Variants in SLC26A5 observed in about 807,000 individuals in gnomAD.
The protein encoded by SLC26A5 is solute carrier family 26 member 5.
A neutral mutation model predicts 81.0 loss-of-function variants in SLC26A5; 51 were observed. The observed-to-expected ratio is 0.63, with a 90% CI of 0.50 to 0.80. SLC26A5 has a LOEUF of 0.80. SLC26A5 is among the 30% of genes least tolerant of loss of function. The pLI is 0.00. For synonymous variants in SLC26A5, 325 were observed against 332.8 expected, an observed-to-expected ratio of 0.98 and a Z score of 0.25; for missense variants, 771 against 905.8, an observed-to-expected ratio of 0.85 and a Z score of 1.91.
chr7:103,356,556 A>G (rs1432792156), intron 19 of SLC26A5, among the ~76,000 whole-genome samples: 4 of 152,178 alleles, frequency 2.6e-5, no homozygotes, highest in Non-Finnish European at 4.4e-5. Context: ...TTTAATTTGT[A>G]CTGTGTTGAT....
chr7:103,420,590 A>T, intron 4 of SLC26A5, 148 bp downstream of exon 4: 1 of 1,130,958 alleles, frequency 8.8e-7, no homozygotes, highest in Non-Finnish European at 1.3e-6. Flanking sequence ...TTTAAGGATT[A>T]CATGTTTCTG....
chr7:103,355,014 A>C, intron 19 of SLC26A5: 4 of 1,082,092 alleles, frequency 3.7e-6, no homozygotes, highest in Non-Finnish European at 5.6e-6. Flanking sequence ...TCAAGAGTTT[A>C]AATACAGATT....
intron 4 of SLC26A5, among the ~76,000 whole-genome samples, chr7:103,414,183 C>CA (rs1304061872): frequency 2.5e-5 from 3 of 119,202 alleles, no homozygotes; most frequent in African/African-American, 7.4e-5. Context: ...TGAAGTTTTG[C>CA]CCCCCCCTTT....
intron 4 of SLC26A5, among the ~76,000 whole-genome samples, chr7:103,414,198 T>TC (rs1477448099): frequency 6.8e-6 from 1 of 146,134 alleles, no homozygotes; most frequent in East Asian, 2.1e-4. Flanking sequence ...CCCTTTTTTT[T>TC]TTTTTAAGAC....
At chr7:103,363,334 CCT>C (rs1563493989) in intron 19 of SLC26A5, 2 of 1,599,134 alleles carry the variant, frequency 1.3e-6, no homozygotes, top group African/African-American at 2.7e-5. Context: ...CATTTCTGTC[CCT>C]CTCTTAGGTG....
chr7:103,434,134 G>A (rs192885737), intron 2 of SLC26A5, among the ~76,000 whole-genome samples: 74 of 152,214 alleles, frequency 4.9e-4, no homozygotes, highest in African/African-American at 1.7e-3. Context: ...TTGCTGGAGT[G>A]CATCCTTAGG....
chr7:103,357,426 T>A (rs1184573567), intron 19 of SLC26A5, among the ~76,000 whole-genome samples: 1 of 152,174 alleles, frequency 6.6e-6, no homozygotes, highest in Non-Finnish European at 1.5e-5. Flanking sequence ...CTTTTTTAGC[T>A]GATTATTTTG....
chr7:103,430,015 A>G (rs1825954097), intron 2 of SLC26A5, among the ~76,000 whole-genome samples: 1 of 151,998 alleles, frequency 6.6e-6, no homozygotes, highest in Admixed American at 6.6e-5. Context: ...TAATATCCGT[A>G]GAGGCAATAC....
chr7:103,379,470 G>T, intron 15 of SLC26A5, 135 bp from the exon 16 acceptor site: 11 of 487,170 alleles, frequency 2.3e-5, no homozygotes, highest in Middle Eastern at 5.2e-4. Flanking sequence ...CTAAAATGAT[G>T]TCACACACAG....
downstream of SLC26A5, chr7:103,369,493 T>A (rs968920466): frequency 2.6e-5 from 4 of 152,258 alleles, 1 homozygote; most frequent in Admixed American, 2.0e-4. Flanking sequence ...GTTCTAACGA[T>A]ACAGAGTGAC....
At chr7:103,389,773 G>A (rs979634133) in intron 12 of SLC26A5, among the ~76,000 whole-genome samples, 2 of 152,022 alleles carry the variant, frequency 1.3e-5, no homozygotes, top group African/African-American at 4.8e-5. Context: ...GACTACAGGT[G>A]GGTGCTACCA....
chr7:103,431,064 G>A (rs906597248), intron 2 of SLC26A5, among the ~76,000 whole-genome samples: 1 of 152,180 alleles, frequency 6.6e-6, no homozygotes, highest in African/African-American at 2.4e-5. Context: ...TATGCCTTTA[G>A]AATTTTCTTT....
At chr7:103,399,393 G>T (rs1263059533) in intron 8 of SLC26A5, among the ~76,000 whole-genome samples, 1 of 152,158 alleles carries the variant, frequency 6.6e-6, no homozygotes, top group Non-Finnish European at 1.5e-5. Context: ...TTTTGAAACT[G>T]TTAGAGATAC....
intron 2 of SLC26A5, among the ~76,000 whole-genome samples, chr7:103,422,746 T>A (rs1825443425): frequency 1.3e-5 from 2 of 152,210 alleles, no homozygotes; most frequent in African/African-American, 4.8e-5. Flanking sequence ...TACTTGTCTG[T>A]ACATTTGAAC....
chr7:103,405,443 TC>T (rs2116605535), intron 8 of SLC26A5, among the ~76,000 whole-genome samples: 1 of 152,348 alleles, frequency 6.6e-6, no homozygotes, highest in South Asian at 2.1e-4. Context: ...GTCAGGCCCC[TC>T]TGCTACAGGT....
chr7:103,369,252 T>A (rs1820887310), downstream of SLC26A5: 1 of 152,220 alleles, frequency 6.6e-6, no homozygotes. Context: ...TCATCTTTTT[T>A]AACCCTGCCC....
chr7:103,428,882 T>A (rs1454102891), intron 2 of SLC26A5, among the ~76,000 whole-genome samples: 1 of 152,196 alleles, frequency 6.6e-6, no homozygotes, highest in African/African-American at 2.4e-5. Flanking sequence ...AGTGCATTTT[T>A]AAGTGTACAG....
chr7:103,374,697 TTTTG>T (rs1361661885), intron 19 of SLC26A5, 105 bp from the exon 20 acceptor site: 1 of 1,161,114 alleles, frequency 8.6e-7, no homozygotes, highest in East Asian at 2.6e-5. Context: ...TGTTATTGTT[TTTTG>T]TTTCTTTTTT....
intron 14 of SLC26A5, 108 bp from the exon 15 acceptor site, chr7:103,380,657 A>G: frequency 1.0e-6 from 1 of 959,000 alleles, no homozygotes; most frequent in African/African-American, 1.6e-5. Context: ...GCATTTGGGA[A>G]TGCTTGATCC....
Sources: allele counts gnomAD v4.1 joint callset (sites outside exome capture counted in the v4.1 genomes callset), GRCh38; gene constraint gnomAD v4.1.1; transcripts MANE v1.5; gene names NCBI Gene and HGNC (gene_info 2026-07-23, HGNC 2026-07-21).